The following COBL variants were observed in gnomAD, a reference collection of about 807,000 sequenced individuals.
COBL encodes the protein protein cordon-bleu.
In COBL, 51 loss-of-function variants were observed where a neutral mutation model predicts 98.8. The observed-to-expected ratio is 0.52, with a 90% CI of 0.41 to 0.65. The LOEUF (loss-of-function observed/expected upper bound fraction) is 0.65. Among genes scored for constraint, COBL ranks in the 30% least tolerant of loss-of-function variants. COBL has a pLI of 0.00. For missense variants in COBL, 1,617 were observed against 1,617.5 expected, an observed-to-expected ratio of 1.00 and a Z score of 0.01; for synonymous variants, 634 against 651.7, an observed-to-expected ratio of 0.97 and a Z score of 0.41.
chr7:51,201,197 G>T (rs1237182603), intron 2 of COBL, among the ~76,000 whole-genome samples: 5 of 147,658 alleles, frequency 3.4e-5, no homozygotes, highest in Non-Finnish European at 7.4e-5. Flanking sequence ...CCGAGATGGT[G>T]CCACTGCACT....
chr7:51,017,473 C>T lies in COBL; in HGVS notation c.*78G>A, dbSNP rs1786384768. 5.5e-6 allele frequency: 8 copies of T among 1,459,886 alleles called. No homozygotes were observed. The Admixed American group carries it at 8.4e-5, about 15-fold the overall frequency. The allele number at this position is 1,459,886 out of a possible 1,614,324, so 90.4% of individuals were successfully genotyped here. On this transcript the variant is annotated 3_prime_UTR_variant, in exon 13 of 13. Coordinates refer to ENST00000265136, the MANE Select transcript of COBL (RefSeq NM_015198.5). Reference sequence around the variant, plus strand: ...AAAGTAACACCAAAACTTGATGTTCCTGGCTATGCAGACTCCTTGAGTGAC... The same window carrying T: ...AAAGTAACACCAAAACTTGATGTTCTTGGCTATGCAGACTCCTTGAGTGAC...
chr7:51,082,667 C>A (rs554405996), intron 7 of COBL, among the ~76,000 whole-genome samples: 2 of 152,236 alleles, frequency 1.3e-5, no homozygotes, highest in Admixed American at 1.3e-4. Flanking sequence ...CTCTTGAGTG[C>A]GATCTCTACA....
chr7:51,028,622 C>A lies in COBL; in HGVS notation c.2474G>T (p.Gly825Val). ...TCTCCCCTCCCCTAGGGGGTTCCGG[C>A]CCTCATGGTGGGCAGACTTCTGCTG... ...SPQQKSAHHE[G>V]RNPLGEGRNQ... The change falls in exon 10 of 13, where the codon GGC becomes GTC. Residue 825 changes from glycine (G) to valine (V), a missense_variant. By Grantham distance (109) the Gly-to-Val change is moderately radical (BLOSUM62 -3). Around this residue, in one of 3 missense-constraint regions of COBL, gnomAD observed 1,304 missense variants for 1,282.0 expected, o/e 1.02. Transcript: ENST00000265136. 6.2e-7 allele frequency: 1 copy of A among 1,613,482 alleles called. No individual in the cohort carries two copies. The highest frequency in any genetic ancestry group is 1.1e-5 in the South Asian group (1 of 90,982).
intron 7 of COBL, among the ~76,000 whole-genome samples, chr7:51,068,014 C>G (rs773846746): frequency 7.2e-5 from 11 of 152,184 alleles, no homozygotes; most frequent in Non-Finnish European, 1.6e-4. Context: ...TGCCCTGGTG[C>G]CTGCCGCTGC....
intron 5 of COBL, among the ~76,000 whole-genome samples, chr7:51,143,194 C>T (rs1169554890): frequency 6.6e-6 from 1 of 152,074 alleles, no homozygotes; most frequent in Non-Finnish European, 1.5e-5. Flanking sequence ...CAGGGCATGC[C>T]TCAATCTGCA....
At chr7:51,261,730 G>A (rs1482931227) in intron 1 of COBL, among the ~76,000 whole-genome samples, 1 of 152,154 alleles carries the variant, frequency 6.6e-6, no homozygotes, top group African/African-American at 2.4e-5. Context: ...ACTTTGAGAG[G>A]CCGAAGTAGG....
In COBL at chr7:51,029,122, C is replaced by T. The variant is rs140856856; in HGVS notation, c.1974G>A (p.Glu658=). The change falls in exon 10 of 13, where the codon GAG becomes GAA. Residue 658 remains glutamate, a synonymous_variant. Transcript: ENST00000265136. The part of the protein sequence containing the change: ...KDKVYGCADG[E]RTQATERVNS... ...TCACTCTCTCTGTGGCTTGAGTCCT[C>T]TCCCCGTCAGCACAGCCATACACTT... 2.7e-3 allele frequency: 4,386 copies of T among 1,614,176 alleles called. 7 individuals carry two copies. The highest frequency in any genetic ancestry group is 0.013 in the Middle Eastern group (81 of 6,062).
chr7:51,025,074 G>T (rs1787391440), intron 12 of COBL, 35 bp downstream of exon 12: 1 of 1,611,672 alleles, frequency 6.2e-7, no homozygotes, highest in Non-Finnish European at 8.5e-7. Context: ...CAACCCTCTG[G>T]CCCCATTGAA....
At chr7:51,135,983 G>A (rs527616035) in intron 6 of COBL, among the ~76,000 whole-genome samples, 175 bp downstream of exon 6, 2 of 152,270 alleles carry the variant, frequency 1.3e-5, no homozygotes, top group African/African-American at 4.8e-5. Flanking sequence ...TTAAAATCAT[G>A]AGCCCTTCCT....
intron 2 of COBL, among the ~76,000 whole-genome samples, chr7:51,211,822 C>T (rs1053923209): frequency 6.6e-6 from 1 of 152,286 alleles, no homozygotes; most frequent in East Asian, 1.9e-4. Flanking sequence ...CCCATAGGAT[C>T]GCCATTTTCA....
chr7:51,222,621 A>T (rs2129092021), intron 1 of COBL, among the ~76,000 whole-genome samples: 1 of 152,282 alleles, frequency 6.6e-6, no homozygotes, highest in Admixed American at 6.5e-5. Context: ...GACAGAGAGA[A>T]ACAGCTTATG....
intron 1 of COBL, among the ~76,000 whole-genome samples, chr7:51,235,688 C>A (rs1795193568): frequency 1.3e-5 from 2 of 152,180 alleles, no homozygotes; most frequent in South Asian, 2.1e-4. Flanking sequence ...CACCACAGGG[C>A]AGGTGCTGGT....
chr7:51,127,475 T>G lies in COBL; in HGVS notation c.957+8683A>C, dbSNP rs376428440. On this transcript the variant is annotated intron_variant, in intron 6 of 12. Transcript: ENST00000265136. ...CAGGGACAGACGCAACTGGGGAGGG[T>G]GCAGGTTCCTGTACAGAAGTCACTG... Among the ~76,000 whole-genome samples the G allele has an allele frequency of 3.9e-5, 6 of 152,216 alleles. No homozygotes were observed. In the East Asian group the frequency reaches 5.8e-4, roughly 15 times the overall value.
chr7:51,095,834 G>A (rs543810677), intron 6 of COBL, among the ~76,000 whole-genome samples: 5 of 152,142 alleles, frequency 3.3e-5, no homozygotes, highest in Non-Finnish European at 7.4e-5. Flanking sequence ...CACTAGGAAG[G>A]TATAAAAACT....
chr7:51,070,034 A>G (rs889335338), intron 7 of COBL, among the ~76,000 whole-genome samples: 1 of 152,132 alleles, frequency 6.6e-6, no homozygotes, highest in Non-Finnish European at 1.5e-5. Context: ...TCACGTAATA[A>G]AAGTTTGTTA....
In COBL at chr7:51,259,430, T is replaced by C. The variant is rs1797515369; in HGVS notation, c.42-39486A>G. 5 of 488,722 alleles carry C rather than the reference T, an allele frequency of 1.0e-5. No homozygotes were observed. The South Asian group carries it at 1.0e-4, about 10-fold the overall frequency. 30.3% of individuals were successfully genotyped at this position (488,722 alleles called of 1,614,324 possible). A position where few individuals can be genotyped will look rare whatever the true frequency, so the allele number is the denominator to read the frequency against. On this transcript the variant is annotated intron_variant, in intron 1 of 12. Transcript: ENST00000265136. ...TTTTCAGCCCTGCCTCACCTGGGTC[T>C]AGTTCAGCTGGTGGATGAGCTGATT...
chr7:51,138,464 A>C (rs561184310), intron 5 of COBL, among the ~76,000 whole-genome samples: 1 of 152,310 alleles, frequency 6.6e-6, no homozygotes, highest in African/African-American at 2.4e-5. Flanking sequence ...TGCTATTCAC[A>C]GTTCTGGAGC....
At chr7:51,060,963 C>T (rs1791291814) in intron 7 of COBL, among the ~76,000 whole-genome samples, 1 of 152,148 alleles carries the variant, frequency 6.6e-6, no homozygotes. Flanking sequence ...CTTAGGACTT[C>T]CCTTAGTAAG....
At chr7:51,020,822 T>G (rs1347929937) in intron 12 of COBL, 1 of 152,248 alleles carries the variant, frequency 6.6e-6, no homozygotes, top group Non-Finnish European at 1.5e-5. Context: ...GAGACATCAT[T>G]GGATTCACAC....
Sources: allele counts gnomAD v4.1 joint callset (sites outside exome capture counted in the v4.1 genomes callset), GRCh38; gene constraint gnomAD v4.1.1; regional missense constraint gnomAD v4.1.1; transcripts MANE v1.5; gene names NCBI Gene and HGNC (gene_info 2026-07-23, HGNC 2026-07-21).